SGCD: variants seen among roughly 807,000 people sequenced by gnomAD.
SGCD encodes sarcoglycan delta.
Under a neutral mutation model 36.6 loss-of-function variants are expected in SGCD, and 18 were observed. The observed-to-expected ratio is 0.49, with a 90% CI of 0.34 to 0.73. The LOEUF (loss-of-function observed/expected upper bound fraction) is 0.73, where lower values mean the gene tolerates loss of function less well. Ranked by LOEUF, SGCD falls within the 30% of genes least tolerant of loss-of-function variation. SGCD has a pLI of 0.01. For missense variants in SGCD, 387 were observed against 346.7 expected (o/e 1.12, Z -0.92); for synonymous variants, 133 against 130.6 (o/e 1.02, Z -0.12).
At chr5:155,929,309 G>T (rs1238561424) in intron 1 of SGCD, among the ~76,000 whole-genome samples, 1 of 152,112 alleles carries the variant, frequency 6.6e-6, no homozygotes, top group Non-Finnish European at 1.5e-5. Context: ...TTGAATGAGG[G>T]GATAACTGCA....
At chr5:155,849,892 A>G in the SGCD span, among the ~76,000 whole-genome samples, 2 of 152,230 alleles carry the variant, frequency 1.3e-5, no homozygotes, top group Non-Finnish European at 2.9e-5. Flanking sequence ...ATGACCTTGA[A>G]TGAGTCGACA....
intron 1 of SGCD, among the ~76,000 whole-genome samples, chr5:155,895,704 T>C (rs1756236745): frequency 6.7e-6 from 1 of 149,524 alleles, no homozygotes; most frequent in Non-Finnish European, 1.5e-5. Flanking sequence ...AAAAAAAACA[T>C]GAAGAACACA....
At chr5:156,130,470 A>G (rs1429595463) in intron 3 of SGCD, among the ~76,000 whole-genome samples, 1 of 151,962 alleles carries the variant, frequency 6.6e-6, no homozygotes, top group African/African-American at 2.4e-5. Context: ...ATTTTTTTGC[A>G]GTATAGATGC....
chr5:155,775,631 C>A, the SGCD span, among the ~76,000 whole-genome samples: 1 of 152,044 alleles, frequency 6.6e-6, no homozygotes, highest in African/African-American at 2.4e-5. Context: ...AAAAGACAGG[C>A]AACTATCACT....
At chr5:155,967,947 G>A (rs1757935753) in intron 1 of SGCD, among the ~76,000 whole-genome samples, 1 of 151,994 alleles carries the variant, frequency 6.6e-6, no homozygotes, top group Non-Finnish European at 1.5e-5. Context: ...ATACATTTCA[G>A]CTTCCCAAGG....
At chr5:156,611,023 A>T (rs1044974941) in intron 6 of SGCD, among the ~76,000 whole-genome samples, 2 of 152,198 alleles carry the variant, frequency 1.3e-5, no homozygotes, top group African/African-American at 4.8e-5. Flanking sequence ...GCTTCGGCTC[A>T]TGCTCGGTGT....
chr5:155,820,047 T>TA, the SGCD span, among the ~76,000 whole-genome samples: 1 of 152,152 alleles, frequency 6.6e-6, no homozygotes, highest in Non-Finnish European at 1.5e-5. Context: ...GCTCTTAGTA[T>TA]ATTGCAAGAC....
chr5:156,103,135 T>A (rs902150835), intron 1 of SGCD, among the ~76,000 whole-genome samples: 3 of 152,202 alleles, frequency 2.0e-5, no homozygotes, highest in Non-Finnish European at 4.4e-5. Flanking sequence ...TTTTAGCTAC[T>A]GCTAGTTGAA....
At chr5:156,265,378 A>G (rs1396588148) in intron 3 of SGCD, among the ~76,000 whole-genome samples, 1 of 152,138 alleles carries the variant, frequency 6.6e-6, no homozygotes, top group Non-Finnish European at 1.5e-5. Context: ...GTTACGGAGA[A>G]TGGATTTGCA....
intron 8 of SGCD, among the ~76,000 whole-genome samples, chr5:156,758,389 GT>G (rs3839272): frequency 0.4 from 56,423 of 140,716 alleles, 10,643 homozygotes; most frequent in Middle Eastern, 0.43. Flanking sequence ...AAATCTGTGT[GT>G]TTTTTTTTTT....
At chr5:156,601,241 C>T (rs749066147) in intron 6 of SGCD, among the ~76,000 whole-genome samples, 8 of 152,136 alleles carry the variant, frequency 5.3e-5, no homozygotes, top group South Asian at 2.1e-4. Flanking sequence ...ATTTTCTCTA[C>T]GCTTTCTTCT....
intron 6 of SGCD, among the ~76,000 whole-genome samples, chr5:156,628,433 C>A (rs1467286524): frequency 6.6e-6 from 1 of 152,056 alleles, no homozygotes; most frequent in Non-Finnish European, 1.5e-5. Context: ...ATTCAGTAAC[C>A]CATTGAAAAC....
At position 156,664,375 on chromosome 5, in the gene SGCD, G is replaced by A. The variant is rs536043981; in HGVS notation, c.575+16839G>A. 1.3e-4 allele frequency among the ~76,000 whole-genome samples: 20 copies of A among 149,570 alleles called. No individual in the cohort carries two copies. The South Asian group carries it at 4.0e-3, about 30-fold the overall frequency. ...TATGACCTTACCGGCTTTTTCATCG[G>A]CAATTGACTTTTGAGCAACATCTTG... On this transcript the variant is annotated intron_variant, in intron 7 of 8. Coordinates refer to ENST00000337851, the MANE Select transcript of SGCD (RefSeq NM_000337.6).
chr5:156,511,702 C>G (rs1756935753), intron 4 of SGCD, among the ~76,000 whole-genome samples: 1 of 152,182 alleles, frequency 6.6e-6, no homozygotes, highest in Non-Finnish European at 1.5e-5. Flanking sequence ...TTATAACTGT[C>G]ATTCTTTCAC....
At chr5:156,495,736 C>A (rs1457896456) in intron 3 of SGCD, among the ~76,000 whole-genome samples, 1 of 152,174 alleles carries the variant, frequency 6.6e-6, no homozygotes, top group African/African-American at 2.4e-5. Flanking sequence ...TATGTGGCTT[C>A]TTAAGATAAA....
chr5:155,920,342 A>C (rs746055822), intron 1 of SGCD, among the ~76,000 whole-genome samples: 12 of 152,182 alleles, frequency 7.9e-5, no homozygotes, highest in Non-Finnish European at 1.6e-4. Context: ...TTGAGCAACT[A>C]GAAGGATGAT....
chr5:156,261,251 G>A (rs1033346097), intron 3 of SGCD, among the ~76,000 whole-genome samples: 1 of 152,102 alleles, frequency 6.6e-6, no homozygotes, highest in African/African-American at 2.4e-5. Context: ...CTTTAATTCT[G>A]ATTGTATTTG....
At chr5:156,751,061 TC>T (rs1757133036) in intron 7 of SGCD, among the ~76,000 whole-genome samples, 1 of 152,168 alleles carries the variant, frequency 6.6e-6, no homozygotes, top group South Asian at 2.1e-4. Flanking sequence ...GCTAAGACAT[TC>T]TTGAACAAGA....
chr5:155,740,183 C>T, the SGCD span, among the ~76,000 whole-genome samples: 1 of 152,182 alleles, frequency 6.6e-6, no homozygotes, highest in Non-Finnish European at 1.5e-5. Context: ...ACTGCAACCT[C>T]GACCTCCTGA....
Sources: gnomAD v4.1 joint callset for allele counts (sites outside exome capture counted in the v4.1 genomes callset) on GRCh38, gnomAD v4.1.1 for gene constraint, MANE v1.5 for transcripts, NCBI Gene and HGNC (gene_info 2026-07-23, HGNC 2026-07-21) for gene names.